Variants in CACNB2 observed in about 807,000 individuals in gnomAD.
The protein encoded by CACNB2 is calcium voltage-gated channel auxiliary subunit beta 2, also known as voltage-dependent L-type calcium channel subunit beta-2.
In CACNB2, 42 loss-of-function variants were observed where a neutral mutation model predicts 73.3. That is an observed-to-expected ratio of 0.57 (90% CI 0.45 to 0.74). The LOEUF (loss-of-function observed/expected upper bound fraction) is 0.74, where lower values mean the gene tolerates loss of function less well. Ranked by LOEUF, CACNB2 falls within the 30% of genes least tolerant of loss-of-function variation. The pLI, the probability that CACNB2 is intolerant of heterozygous loss-of-function variation, is 0.00. For missense variants in CACNB2, 940 were observed against 853.0 expected (o/e 1.10, Z -1.27); for synonymous variants, 348 against 310.3 (o/e 1.12, Z -1.28).
chr10:18,277,353 G>A (rs1428656065), intron 2 of CACNB2, among the ~76,000 whole-genome samples: 1 of 152,192 alleles, frequency 6.6e-6, no homozygotes, highest in Non-Finnish European at 1.5e-5. Flanking sequence ...AGTCGTCTCT[G>A]GTTTTTCTGA....
At chr10:18,325,535 C>T (rs939009672) in intron 2 of CACNB2, among the ~76,000 whole-genome samples, 4 of 150,378 alleles carry the variant, frequency 2.7e-5, no homozygotes, top group Non-Finnish European at 6.0e-5. Context: ...TTTCTTTCTT[C>T]CTTCTTTTCT....
intron 2 of CACNB2, among the ~76,000 whole-genome samples, chr10:18,326,175 GA>G (rs2040584370): frequency 6.9e-6 from 1 of 145,446 alleles, no homozygotes; most frequent in Non-Finnish European, 1.5e-5. Context: ...TACAGAAACA[GA>G]AAAAAATAAA....
At chr10:18,196,726 T>A (rs969539059) in intron 2 of CACNB2, among the ~76,000 whole-genome samples, 7 of 152,162 alleles carry the variant, frequency 4.6e-5, no homozygotes, top group African/African-American at 1.4e-4. Context: ...TCATCTTCCT[T>A]CCAAAGGGGG....
chr10:18,495,703 G>A (rs1367543105), intron 3 of CACNB2, among the ~76,000 whole-genome samples: 1 of 151,670 alleles, frequency 6.6e-6, no homozygotes, highest in Non-Finnish European at 1.5e-5. Flanking sequence ...CATGAGCCAC[G>A]GCACCTGGCC....
intron 13 of CACNB2, among the ~76,000 whole-genome samples, chr10:18,538,578 T>C (rs2053839203): frequency 6.6e-6 from 1 of 152,070 alleles, no homozygotes; most frequent in Non-Finnish European, 1.5e-5. Context: ...ACCGAAACTT[T>C]CTAAACAGTA....
At chr10:18,218,047 C>T (rs1012406211) in intron 2 of CACNB2, among the ~76,000 whole-genome samples, 1 of 152,108 alleles carries the variant, frequency 6.6e-6, no homozygotes, top group African/African-American at 2.4e-5. Flanking sequence ...TTTTGCAGGA[C>T]ATTCTAAAGG....
intron 3 of CACNB2, among the ~76,000 whole-genome samples, chr10:18,403,898 A>T (rs1293916532): frequency 6.6e-6 from 1 of 152,018 alleles, no homozygotes; most frequent in Non-Finnish European, 1.5e-5. Flanking sequence ...AGAAAGAATG[A>T]ATAAAACCTA....
chr10:18,160,423 A>G (rs1158018972), intron 2 of CACNB2, among the ~76,000 whole-genome samples: 2 of 152,028 alleles, frequency 1.3e-5, no homozygotes, highest in South Asian at 4.2e-4. Flanking sequence ...TACACTTTCC[A>G]CCGATACCTC....
chr10:18,140,461 G>C lies in CACNB2; in HGVS notation c.-276G>C, dbSNP rs934618810. Reference sequence around the variant, plus strand: ...CCGCTCTCCCGGCCCCGGCTGCCCCGCTGAGGGCTCCCCTCTCCCAGGCAC... The same window carrying C: ...CCGCTCTCCCGGCCCCGGCTGCCCCCCTGAGGGCTCCCCTCTCCCAGGCAC... On this transcript the variant is annotated 5_prime_UTR_variant, in exon 1 of 14. Transcript: ENST00000324631. Among the ~76,000 whole-genome samples, 1 of 151,750 alleles carries C rather than the reference G, an allele frequency of 6.6e-6. No individual in the cohort carries two copies. Among genetic ancestry groups the C allele is most frequent in the Non-Finnish European group, 1.5e-5 (1 of 67,874 alleles).
At chr10:18,214,289 T>A (rs2035429366) in intron 2 of CACNB2, among the ~76,000 whole-genome samples, 1 of 75,570 alleles carries the variant, frequency 1.3e-5, no homozygotes, top group South Asian at 4.8e-4. Flanking sequence ...GATCTCTACT[T>A]CTGCATCCAT....
chr10:18,501,894 G>A (rs1036946383), intron 5 of CACNB2, among the ~76,000 whole-genome samples: 1 of 152,038 alleles, frequency 6.6e-6, no homozygotes, highest in African/African-American at 2.4e-5. Flanking sequence ...TAGTTCAGAC[G>A]GATTCCTCTG....
At chr10:18,471,479 A>C (rs2048184500) in intron 3 of CACNB2, among the ~76,000 whole-genome samples, 1 of 152,210 alleles carries the variant, frequency 6.6e-6, no homozygotes, top group African/African-American at 2.4e-5. Context: ...CGTCTTTGTC[A>C]GTATCATTTT....
chr10:18,153,092 A>G (rs2031740648), intron 2 of CACNB2, among the ~76,000 whole-genome samples: 1 of 152,178 alleles, frequency 6.6e-6, no homozygotes, highest in African/African-American at 2.4e-5. Flanking sequence ...TTAGTAATGT[A>G]TGTAGCTTTA....
intron 2 of CACNB2, among the ~76,000 whole-genome samples, chr10:18,178,455 C>T (rs1436786456): frequency 6.6e-6 from 1 of 152,140 alleles, no homozygotes; most frequent in East Asian, 1.9e-4. Context: ...TACTGAAAAT[C>T]ATACAGAGAT....
rs553948394 is a variant in CACNB2 at position 18,362,709 on chromosome 10, G to A, written c.214-39215G>A. On this transcript the variant is annotated intron_variant, in intron 2 of 13. Transcript: ENST00000324631. ...TAATTCCAGCACTTCGGGAGGTCAGGAATTTGAGACCAGCCTGGCCAACAT... is the reference window on the plus strand; with the variant it reads ...TAATTCCAGCACTTCGGGAGGTCAGAAATTTGAGACCAGCCTGGCCAACAT... Among the ~76,000 whole-genome samples the A allele has an allele frequency of 5.3e-5, 8 of 152,274 alleles. No individual in the cohort carries two copies. In the South Asian group the frequency reaches 1.2e-3, roughly 24 times the overall value.
At chr10:18,195,584 C>T (rs144994813) in intron 2 of CACNB2, among the ~76,000 whole-genome samples, 1 of 152,200 alleles carries the variant, frequency 6.6e-6, no homozygotes, top group Non-Finnish European at 1.5e-5. Flanking sequence ...TCCTGGCTCT[C>T]GGCCAGAGAG....
At chr10:18,224,842 G>C (rs1446444463) in intron 2 of CACNB2, among the ~76,000 whole-genome samples, 3 of 152,144 alleles carry the variant, frequency 2.0e-5, no homozygotes, top group African/African-American at 7.2e-5. Context: ...CAGGTTAAAG[G>C]GCCTCAGTCC....
At chr10:18,418,214 A>T (rs7074324) in intron 3 of CACNB2, among the ~76,000 whole-genome samples, 25,916 of 152,138 alleles carry the variant, frequency 0.17, 3,470 homozygotes, top group African/African-American at 0.37. Context: ...AGTTGGGACT[A>T]CAGGCGCACG....
intron 2 of CACNB2, among the ~76,000 whole-genome samples, chr10:18,171,643 C>T (rs934011875): frequency 3.3e-5 from 5 of 149,582 alleles, no homozygotes; most frequent in Middle Eastern, 3.5e-3. Context: ...TACACACCAC[C>T]GTTCACACAC....
Sources: allele counts gnomAD v4.1 joint callset (sites outside exome capture counted in the v4.1 genomes callset), GRCh38; gene constraint gnomAD v4.1.1; transcripts MANE v1.5; gene names NCBI Gene and HGNC (gene_info 2026-07-23, HGNC 2026-07-21).